SNTB1: variants seen among roughly 807,000 people sequenced by gnomAD.
The protein encoded by SNTB1 is syntrophin beta 1.
SNTB1 carries 36 observed loss-of-function variants against 48.9 expected under a neutral mutation model. The ratio of observed to expected loss-of-function variants is 0.74; its 90% confidence interval spans 0.56 to 0.97. The LOEUF is 0.97. Among genes scored for constraint, SNTB1 ranks in the 50% least tolerant of loss-of-function variants. The pLI is 0.00. For synonymous variants in SNTB1, 299 were observed against 294.6 expected, an observed-to-expected ratio of 1.01 and a Z score of -0.15; for missense variants, 786 against 703.4, an observed-to-expected ratio of 1.12 and a Z score of -1.33.
intron 1 of SNTB1, among the ~76,000 whole-genome samples, chr8:120,809,189 C>A (rs1188634970): frequency 6.6e-6 from 1 of 152,186 alleles, no homozygotes; most frequent in East Asian, 1.9e-4. Flanking sequence ...AGAATGAACA[C>A]TTTGGCTCAG....
intron 1 of SNTB1, among the ~76,000 whole-genome samples, chr8:120,729,571 ATTCTC>A (rs1488971325): frequency 6.6e-6 from 1 of 152,324 alleles, no homozygotes; most frequent in East Asian, 1.9e-4. Flanking sequence ...TACTTGTTGA[ATTCTC>A]TACTCCATGC....
rs561193602 is a variant in SNTB1 at position 120,805,898 on chromosome 8, A to G, written c.571+5375T>C. Among the ~76,000 whole-genome samples the G allele has an allele frequency of 8.5e-5, 13 of 152,290 alleles. No homozygotes were observed. In the South Asian group the frequency reaches 2.5e-3, roughly 29 times the overall value. On this transcript the variant is annotated intron_variant, in intron 1 of 6. Coordinates refer to ENST00000517992, the MANE Select transcript of SNTB1 (RefSeq NM_021021.4). ...CCTGTGCTTGAATCTAAGACTCAGC[A>G]CTTATTCACGGTGTGTTTTTGGCAA...
chr8:120,787,831 C>T (rs1174017178), intron 1 of SNTB1, among the ~76,000 whole-genome samples: 1 of 152,116 alleles, frequency 6.6e-6, no homozygotes, highest in Non-Finnish European at 1.5e-5. Flanking sequence ...GAAAACTTCC[C>T]TGGCCTTGCT....
rs1277686564 is a variant in SNTB1 at position 120,632,561 on chromosome 8, G to C, written c.879C>G (p.Ile293Met). The C allele has an allele frequency of 6.2e-7, 1 of 1,614,152 alleles. No homozygotes were observed. The highest frequency in any genetic ancestry group is 1.3e-5 in the African/African-American group (1 of 75,034). ...TCAGCAGGTCATTAACGTTGGAATG[G>C]ATGGCACTGAACCATGCCTGGGCCG... ...SATAQAWFSA[I>M]HSNVNDLLTR... The change falls in exon 3 of 7, where the codon ATC becomes ATG. Residue 293 changes from isoleucine to methionine, a missense_variant. By Grantham distance (10) the Ile-to-Met change is conservative. Coordinates refer to ENST00000517992, the MANE Select transcript of SNTB1 (RefSeq NM_021021.4).
In SNTB1 at chr8:120,536,059, A is replaced by G. The variant is rs553523401; in HGVS notation, c.*2818T>C. 6.6e-6 allele frequency: 1 copy of G among 152,322 alleles called. No individual in the cohort carries two copies. Among genetic ancestry groups the G allele is most frequent in the African/African-American group, 2.4e-5 (1 of 41,576 alleles). 9.4% of individuals were successfully genotyped at this position (152,322 alleles called of 1,614,324 possible). ...TTGCACTAGTTGATGAATTAAGTAA[A>G]TGCCTCTGCCTGGGTAGTTTGTAAT... On this transcript the variant is annotated 3_prime_UTR_variant, in exon 7 of 7. Transcript: ENST00000517992.
chr8:120,549,179 C>CA (rs1404675332), intron 4 of SNTB1, among the ~76,000 whole-genome samples: 5 of 152,192 alleles, frequency 3.3e-5, no homozygotes, highest in Non-Finnish European at 7.3e-5. Flanking sequence ...AGTTCAATAA[C>CA]ATGACTTTAA....
At chr8:120,632,760 T>A in intron 2 of SNTB1, 109 bp from the exon 3 acceptor site, 1 of 917,146 alleles carries the variant, frequency 1.1e-6, no homozygotes, top group Non-Finnish European at 1.7e-6. Flanking sequence ...TTAGACTTTG[T>A]CAGTTTCTAA....
chr8:120,708,555 C>A (rs1260477375), intron 1 of SNTB1, among the ~76,000 whole-genome samples: 1 of 151,882 alleles, frequency 6.6e-6, no homozygotes, highest in African/African-American at 2.4e-5. Context: ...ATCCCAAATG[C>A]CAAACAAAAT....
intron 1 of SNTB1, among the ~76,000 whole-genome samples, chr8:120,706,463 G>A (rs1818377035): frequency 6.6e-6 from 1 of 152,122 alleles, no homozygotes. Flanking sequence ...GTAGTCTAAA[G>A]TTTATTCATC....
intron 1 of SNTB1, among the ~76,000 whole-genome samples, chr8:120,738,077 G>A (rs1331578125): frequency 6.6e-6 from 1 of 152,106 alleles, no homozygotes; most frequent in African/African-American, 2.4e-5. Context: ...TAGGTCATAA[G>A]GACCTCATGA....
chr8:120,709,700 CT>C (rs2129914044), intron 1 of SNTB1, among the ~76,000 whole-genome samples: 1 of 152,230 alleles, frequency 6.6e-6, no homozygotes, highest in South Asian at 2.1e-4. Flanking sequence ...GATTCCAAAG[CT>C]TTTCCTCTTT....
Position 120,603,356 on chromosome 8 carries a change from T to C in SNTB1, c.997-28131A>G, listed in dbSNP as rs538512957. Among the ~76,000 whole-genome samples the C allele has an allele frequency of 2.6e-5, 4 of 152,308 alleles. No homozygotes were observed. The South Asian group carries it at 8.3e-4, about 32-fold the overall frequency. ...CTCAAGTGATCCACCCGCCTTGGCCTCTGCAAAGTGCTGGGATTACAGGCG... is the reference window on the plus strand; with the variant it reads ...CTCAAGTGATCCACCCGCCTTGGCCCCTGCAAAGTGCTGGGATTACAGGCG... On this transcript the variant is annotated intron_variant, in intron 3 of 6. Transcript: ENST00000517992.
At chr8:120,551,310 G>A (rs1815476202) in intron 4 of SNTB1, among the ~76,000 whole-genome samples, 1 of 150,868 alleles carries the variant, frequency 6.6e-6, no homozygotes, top group African/African-American at 2.4e-5. Flanking sequence ...ATGGTGTAAT[G>A]GTGAGCACTC....
chr8:120,783,149 A>G (rs1468795790), intron 1 of SNTB1, among the ~76,000 whole-genome samples: 1 of 152,204 alleles, frequency 6.6e-6, no homozygotes, highest in East Asian at 1.9e-4. Flanking sequence ...AATAGCAAGT[A>G]TTTCTCATGG....
chr8:120,749,673 A>T (rs1207392366), intron 1 of SNTB1, among the ~76,000 whole-genome samples: 1 of 152,146 alleles, frequency 6.6e-6, no homozygotes, highest in Non-Finnish European at 1.5e-5. Context: ...GGAAACTGAA[A>T]CAGACTCAGG....
intron 3 of SNTB1, among the ~76,000 whole-genome samples, chr8:120,621,877 C>T (rs1429634342): frequency 6.6e-6 from 1 of 152,146 alleles, no homozygotes; most frequent in Non-Finnish European, 1.5e-5. Context: ...CCCTCCTCCC[C>T]GATCCCCAGC....
At chr8:120,622,769 C>A (rs1056418813) in intron 3 of SNTB1, among the ~76,000 whole-genome samples, 6 of 152,218 alleles carry the variant, frequency 3.9e-5, no homozygotes, top group Non-Finnish European at 7.3e-5. Flanking sequence ...AATTCCTCCC[C>A]TCATGGGAAC....
At chr8:120,650,206 CT>C (rs1483466079) in intron 2 of SNTB1, among the ~76,000 whole-genome samples, 1 of 151,970 alleles carries the variant, frequency 6.6e-6, no homozygotes, top group East Asian at 1.9e-4. Context: ...GGAAATCATC[CT>C]TTTTAACTAA....
In SNTB1 at chr8:120,567,465, C is replaced by T. The variant is rs550380298; in HGVS notation, c.1136+7621G>A. Among the ~76,000 whole-genome samples, 411 of 147,538 alleles carry T rather than the reference C, an allele frequency of 2.8e-3. 2 individuals carry two copies. Among genetic ancestry groups the T allele is most frequent in the African/African-American group, 9.9e-3 (395 of 39,848 alleles). On this transcript the variant is annotated intron_variant, in intron 4 of 6. Transcript: ENST00000517992. ...GACAGGGTCTTGCTCTGGACCCAGGCGCTGGAGTACAGTGGTGCCATCATA... is the reference window on the plus strand; with the variant it reads ...GACAGGGTCTTGCTCTGGACCCAGGTGCTGGAGTACAGTGGTGCCATCATA...
Sources: gnomAD v4.1 joint callset for allele counts (sites outside exome capture counted in the v4.1 genomes callset) on GRCh38, gnomAD v4.1.1 for gene constraint, MANE v1.5 for transcripts, NCBI Gene and HGNC (gene_info 2026-07-23, HGNC 2026-07-21) for gene names.